Variants in PCDH11Y observed in about 807,000 individuals in gnomAD.
The protein encoded by PCDH11Y is protocadherin-11 Y-linked.
For synonymous variants in PCDH11Y, 9 were observed against 83.6 expected (o/e 0.11, Z 4.87); for missense variants, 12 against 224.8 (o/e 0.05, Z 6.05).
chrY:5,195,601 A>C (rs2052917884), intron 2 of PCDH11Y, among the ~76,000 whole-genome samples: 38 of 33,323 alleles, frequency 1.1e-3, no homozygotes, highest in Admixed American at 7.2e-3. Context: ...CCTGCTCTTT[A>C]CTTATTTTCA....
intron 4 of PCDH11Y, among the ~76,000 whole-genome samples, chrY:5,715,828 C>T: frequency 3.1e-5 from 1 of 32,038 alleles, no homozygotes; most frequent in Admixed American, 2.9e-4. Context: ...AAACAACAGG[C>T]CCCAATGTCT....
chrY:5,311,516 C>CAT lies in PCDH11Y; in HGVS notation c.3130-189529_3130-189528dup, dbSNP rs2053100805. The stretch of plus-strand genomic sequence containing the variant: ...ATATATATATACACACACACACACA[C>CAT]ATATATATATATACACACACATATA... On this transcript the variant is annotated intron_variant, in intron 2 of 4. Coordinates refer to the PCDH11Y transcript ENST00000400457. Among the ~76,000 whole-genome samples the CAT allele has an allele frequency of 4.0e-3, 94 of 23,697 alleles. No homozygotes were observed. The South Asian group carries it at 0.085, about 22-fold the overall frequency. The allele number at this position is 23,697 out of a possible 37,273, so 63.6% of individuals were successfully genotyped here.
chrY:5,326,465 G>C, intron 2 of PCDH11Y, among the ~76,000 whole-genome samples: 1 of 32,796 alleles, frequency 3.0e-5, no homozygotes, highest in Admixed American at 2.8e-4. Flanking sequence ...GTTCTGAGAG[G>C]TGGGCTAGTG....
intron 1 of PCDH11Y, among the ~76,000 whole-genome samples, chrY:5,074,628 A>G: frequency 3.0e-5 from 1 of 33,287 alleles, no homozygotes; most frequent in South Asian, 6.6e-4. Flanking sequence ...ACAGTGCTAA[A>G]TGATAAAACA....
chrY:5,371,236 G>T (rs2053186896), intron 2 of PCDH11Y, among the ~76,000 whole-genome samples: 1 of 32,507 alleles, frequency 3.1e-5, no homozygotes, highest in African/African-American at 1.2e-4. Flanking sequence ...CTTGCTTTTG[G>T]GGGGTGGGGG....
At chrY:5,072,219 G>A in intron 1 of PCDH11Y, among the ~76,000 whole-genome samples, 1 of 31,038 alleles carries the variant, frequency 3.2e-5, no homozygotes, top group Non-Finnish European at 7.8e-5. Flanking sequence ...TTACCAATTG[G>A]TAAGCATTAT....
intron 2 of PCDH11Y, among the ~76,000 whole-genome samples, chrY:5,219,796 C>CA (rs2052950654): frequency 3.1e-5 from 1 of 32,728 alleles, no homozygotes; most frequent in Non-Finnish European, 7.5e-5. Flanking sequence ...AAAAAGAAAA[C>CA]AAAAAAACAA....
At chrY:5,355,212 G>C (rs2053164413) in intron 2 of PCDH11Y, among the ~76,000 whole-genome samples, 1 of 28,504 alleles carries the variant, frequency 3.5e-5, no homozygotes, top group Non-Finnish European at 8.1e-5. Context: ...GGTGAGCCGA[G>C]ATTGCGCCAT....
chrY:5,475,390 T>C, intron 2 of PCDH11Y, among the ~76,000 whole-genome samples: 1 of 33,064 alleles, frequency 3.0e-5, no homozygotes, highest in African/African-American at 1.2e-4. Context: ...TAAAAGAGCA[T>C]TGAAATTCAT....
chrY:5,724,542 A>G, intron 4 of PCDH11Y, among the ~76,000 whole-genome samples: 1 of 33,463 alleles, frequency 3.0e-5, no homozygotes, highest in South Asian at 6.5e-4. Flanking sequence ...AATAAATAAA[A>G]GATACTAAAA....
At chrY:5,307,680 C>A in intron 2 of PCDH11Y, among the ~76,000 whole-genome samples, 1 of 32,728 alleles carries the variant, frequency 3.1e-5, no homozygotes, top group South Asian at 6.7e-4. Flanking sequence ...TCACAGTTAA[C>A]CCTGTAATAT....
chrY:5,548,247 A>G, intron 3 of PCDH11Y, among the ~76,000 whole-genome samples: 2 of 33,092 alleles, frequency 6.0e-5, no homozygotes, highest in Non-Finnish European at 1.5e-4. Flanking sequence ...GAATCATAAT[A>G]AAATGATACA....
chrY:5,341,283 T>A lies in PCDH11Y; in HGVS notation c.3130-159774T>A, dbSNP rs2124668804. ...ACCACGCCTAGCAAATGTTTTGTAT[T>A]TTTTTGTAGAAACAGGGTCTCACTA... is the stretch of plus-strand genomic sequence containing the variant. On this transcript the variant is annotated intron_variant, in intron 2 of 4. Transcript: ENST00000400457. Among the ~76,000 whole-genome samples the A allele has an allele frequency of 2.8e-4, 9 of 32,357 alleles. No homozygotes were observed. The East Asian group carries it at 7.6e-3, about 27-fold the overall frequency. 86.8% of individuals were successfully genotyped at this position (32,357 alleles called of 37,273 possible).
chrY:5,584,007 G>A (rs2053452950), intron 4 of PCDH11Y, among the ~76,000 whole-genome samples: 1 of 29,607 alleles, frequency 3.4e-5, no homozygotes, highest in Non-Finnish European at 8.1e-5. Context: ...TCATGTTCCA[G>A]ATCTTAGAGA....
At chrY:5,194,514 G>A (rs2124648856) in intron 2 of PCDH11Y, among the ~76,000 whole-genome samples, 3 of 30,883 alleles carry the variant, frequency 9.7e-5, no homozygotes, top group Non-Finnish European at 2.3e-4. Flanking sequence ...TGGAGAGTGC[G>A]GCCTAGAATC....
At chrY:5,731,437 A>C in intron 4 of PCDH11Y, among the ~76,000 whole-genome samples, 1 of 32,406 alleles carries the variant, frequency 3.1e-5, no homozygotes, top group Non-Finnish European at 7.6e-5. Flanking sequence ...TTTTCTGAGG[A>C]TCTTTTGAAT....
intron 3 of PCDH11Y, among the ~76,000 whole-genome samples, chrY:5,533,525 T>G: frequency 3.0e-5 from 1 of 33,704 alleles, no homozygotes; most frequent in African/African-American, 1.2e-4. Flanking sequence ...AATTAACTTT[T>G]TATTAGTTAC....
chrY:5,195,348 G>A (rs2052917724), intron 2 of PCDH11Y, among the ~76,000 whole-genome samples: 3 of 33,164 alleles, frequency 9.0e-5, no homozygotes, highest in Non-Finnish European at 1.5e-4. Flanking sequence ...ATAGTGATAC[G>A]TACCTTACTG....
At chrY:5,012,975 G>C in intron 1 of PCDH11Y, among the ~76,000 whole-genome samples, 2 of 28,892 alleles carry the variant, frequency 6.9e-5, no homozygotes, top group Non-Finnish European at 1.6e-4. Context: ...TCAGCCTCCC[G>C]AGTAGCTGGG....
Sources: gnomAD v4.1 joint callset for allele counts (sites outside exome capture counted in the v4.1 genomes callset) on GRCh38, gnomAD v4.1.1 for gene constraint, MANE v1.5 for transcripts, NCBI Gene and HGNC (gene_info 2026-07-23, HGNC 2026-07-21) for gene names.